The following POLA1 variants were observed in gnomAD, a reference collection of about 807,000 sequenced individuals.
POLA1 encodes the protein DNA polymerase alpha catalytic subunit.
POLA1 carries 15 observed loss-of-function variants against 124.0 expected under a neutral mutation model. That is an observed-to-expected ratio of 0.12 (90% confidence interval 0.08 to 0.19). The LOEUF (loss-of-function observed/expected upper bound fraction) is 0.19. Among genes scored for constraint, POLA1 ranks in the 10% least tolerant of loss-of-function variants. The pLI, the probability that POLA1 is intolerant of heterozygous loss-of-function variation, is 1.00. For missense variants in POLA1, 886 were observed against 1,103.4 expected (o/e 0.80, Z 2.79); for synonymous variants, 408 against 389.4 (o/e 1.05, Z -0.56).
At chrX:24,867,087 A>AT (rs35709929) in intron 34 of POLA1, among the ~76,000 whole-genome samples, 3 of 109,090 alleles carry the variant, frequency 2.8e-5, no homozygotes, top group Admixed American at 9.8e-5. Flanking sequence ...ATAAAACTTG[A>AT]TTTTTTTTTA....
At chrX:24,734,610 T>G (rs1470766343) in intron 17 of POLA1, among the ~76,000 whole-genome samples, 1 of 111,323 alleles carries the variant, frequency 9.0e-6, no homozygotes, top group Non-Finnish European at 1.9e-5. Context: ...GAAAATTCCA[T>G]TAGAGTCAAA....
Position 24,814,453 on chromosome X carries a change from G to T in POLA1, c.3297-526G>T, listed in dbSNP as rs912372845. 1.8e-4 allele frequency among the ~76,000 whole-genome samples: 20 copies of T among 111,658 alleles called. 1 individual carries two copies. The highest frequency in any genetic ancestry group is 7.5e-5 in the Non-Finnish European group (4 of 53,136). Reference sequence around the variant, plus strand: ...GAGAACACTGAGCAACAAAATGAAGGTGAAGAAAGAAAAGTTTGAAATCTT... The same window carrying T: ...GAGAACACTGAGCAACAAAATGAAGTTGAAGAAAGAAAAGTTTGAAATCTT... On this transcript the variant is annotated intron_variant, in intron 29 of 36. Coordinates refer to ENST00000379068, the MANE Select transcript of POLA1 (RefSeq NM_001330360.2).
intron 32 of POLA1, among the ~76,000 whole-genome samples, chrX:24,834,910 C>T (rs971198830): frequency 1.1e-4 from 12 of 110,661 alleles, no homozygotes; most frequent in Non-Finnish European, 2.1e-4. Context: ...TAAGATTAAA[C>T]CCTCATATAC....
At chrX:24,968,642 G>C (rs982666892) in intron 36 of POLA1, among the ~76,000 whole-genome samples, 1 of 105,770 alleles carries the variant, frequency 9.5e-6, no homozygotes, top group Admixed American at 1.0e-4. Flanking sequence ...GGCGGAGCTT[G>C]CAGTGAGCGG....
At chrX:24,725,191 C>CTTTTTTT (rs757657562) in intron 12 of POLA1, among the ~76,000 whole-genome samples, 1 of 89,022 alleles carries the variant, frequency 1.1e-5, no homozygotes, top group Non-Finnish European at 2.2e-5. Flanking sequence ...TGAATGACTA[C>CTTTTTTT]TTTTTTTTTT....
At chrX:24,776,412 A>G (rs1465007596) in intron 26 of POLA1, among the ~76,000 whole-genome samples, 1 of 111,975 alleles carries the variant, frequency 8.9e-6, no homozygotes, top group Non-Finnish European at 1.9e-5. Context: ...CCTAAATTGG[A>G]TAAGAGCTGG....
intron 24 of POLA1, among the ~76,000 whole-genome samples, chrX:24,746,354 T>C (rs1932000450): frequency 9.0e-6 from 1 of 111,550 alleles, no homozygotes; most frequent in Admixed American, 9.5e-5. Context: ...TGCATTCAAT[T>C]AATATTTGAG....
At chrX:24,782,381 T>A in intron 26 of POLA1, among the ~76,000 whole-genome samples, 2 of 111,843 alleles carry the variant, frequency 1.8e-5, no homozygotes, top group South Asian at 7.6e-4. Context: ...GACTTATTTT[T>A]ATGCTGACCA....
chrX:24,800,053 C>A (rs2045679431), intron 26 of POLA1, among the ~76,000 whole-genome samples: 1 of 111,512 alleles, frequency 9.0e-6, no homozygotes, highest in Non-Finnish European at 1.9e-5. Context: ...TATGAGGAGT[C>A]AGTCAGGAAG....
rs5986706 is a variant in POLA1 at position 24,754,970 on chromosome X, A to T, written c.2964+5978A>T. Among the ~76,000 whole-genome samples, 389 of 112,472 alleles carry T rather than the reference A, an allele frequency of 3.5e-3. 5 individuals carry two copies. The highest frequency in any genetic ancestry group is 0.012 in the African/African-American group (357 of 31,004). On this transcript the variant is annotated intron_variant, in intron 26 of 36. Coordinates refer to ENST00000379068, the MANE Select transcript of POLA1 (RefSeq NM_001330360.2). ...CATCATCCATATCTTTAGGTTTCCA[A>T]GTTTTCATTTGTCTTAATTATTTGC...
chrX:24,836,645 G>A (rs1016152231), intron 32 of POLA1, among the ~76,000 whole-genome samples: 6 of 111,577 alleles, frequency 5.4e-5, no homozygotes, highest in Non-Finnish European at 7.5e-5. Flanking sequence ...ATTTCCTTTC[G>A]TGAGGTGCCT....
chrX:24,869,692 A>T (rs183498670), intron 34 of POLA1, among the ~76,000 whole-genome samples: 1 of 112,083 alleles, frequency 8.9e-6, no homozygotes, highest in African/African-American at 3.2e-5. Flanking sequence ...AAGTTGAATG[A>T]TAGCATCTCA....
At position 24,882,543 on chromosome X, in the gene POLA1, C is replaced by A. The variant is rs11573454; in HGVS notation, c.4048-5463C>A. Among the ~76,000 whole-genome samples the A allele has an allele frequency of 8.5e-3, 943 of 111,129 alleles. 9 individuals are homozygous for A. Among genetic ancestry groups the A allele is most frequent in the Middle Eastern group, 0.037 (8 of 217 alleles). On this transcript the variant is annotated intron_variant, in intron 34 of 36. Coordinates refer to ENST00000379068, the MANE Select transcript of POLA1 (RefSeq NM_001330360.2). ...TTCATGTGTACCCAATGTTTAGCTC[C>A]CACTTATAAGTGAGAACATGTGGTA...
intron 28 of POLA1, 150 bp from the exon 29 acceptor site, chrX:24,812,508 G>T: frequency 2.3e-6 from 1 of 432,157 alleles, no homozygotes; most frequent in Non-Finnish European, 4.0e-6. Context: ...TATACCCAAT[G>T]TAATATCATG....
At chrX:24,716,829 T>G in intron 7 of POLA1, 55 bp from the exon 8 acceptor site, 1 of 706,007 alleles carries the variant, frequency 1.4e-6, no homozygotes, top group South Asian at 2.4e-5. Context: ...GGTAGGACAG[T>G]TGCATATTTT....
intron 2 of POLA1, among the ~76,000 whole-genome samples, chrX:24,701,301 C>T (rs1602241445): frequency 9.0e-6 from 1 of 111,354 alleles, no homozygotes; most frequent in East Asian, 2.8e-4. Context: ...TTATTATAAG[C>T]CTTATAGGTG....
At chrX:24,784,214 G>A (rs1019024259) in intron 26 of POLA1, among the ~76,000 whole-genome samples, 2 of 106,887 alleles carry the variant, frequency 1.9e-5, no homozygotes, top group Admixed American at 1.0e-4. Context: ...CACCATGCCC[G>A]GCTAATTTTT....
chrX:24,930,338 A>G (rs1273763721), intron 35 of POLA1, 115 bp from the exon 36 acceptor site: 2 of 518,145 alleles, frequency 3.9e-6, no homozygotes, highest in African/African-American at 4.7e-5. Flanking sequence ...CACTTTCTTT[A>G]AAAAATGCTG....
At chrX:24,813,811 CAAAA>C (rs553323828) in intron 29 of POLA1, among the ~76,000 whole-genome samples, 1 of 33,991 alleles carries the variant, frequency 2.9e-5, no homozygotes, top group Non-Finnish European at 6.4e-5. Flanking sequence ...GAGACGCCGT[CAAAA>C]AAAAAAAAAA....
Sources: allele counts gnomAD v4.1 joint callset (sites outside exome capture counted in the v4.1 genomes callset), GRCh38; gene constraint gnomAD v4.1.1; transcripts MANE v1.5; gene names NCBI Gene and HGNC (gene_info 2026-07-23, HGNC 2026-07-21).